EPS15L1: variants seen among roughly 807,000 people sequenced by gnomAD.
The protein encoded by EPS15L1 is epidermal growth factor receptor pathway substrate 15 like 1, also known as epidermal growth factor receptor substrate 15-like 1.
Under a neutral mutation model 117.1 loss-of-function variants are expected in EPS15L1, and 43 were observed. That is an observed-to-expected ratio of 0.37 (90% confidence interval 0.29 to 0.47). EPS15L1 has a LOEUF of 0.47. Ranked by LOEUF, EPS15L1 falls within the 20% of genes least tolerant of loss-of-function variation. The probability of loss-of-function intolerance (pLI) is 0.99; values close to 1 mark genes in which losing one functional copy is unlikely to be tolerated. For synonymous variants in EPS15L1, 459 were observed against 470.5 expected (o/e 0.98, Z 0.32); for missense variants, 981 against 1,164.0 (o/e 0.84, Z 2.29).
chr19:16,379,607 G>T (rs1239532914), intron 21 of EPS15L1, among the ~76,000 whole-genome samples: 1 of 152,186 alleles, frequency 6.6e-6, no homozygotes, highest in Non-Finnish European at 1.5e-5. Flanking sequence ...GCTGACTAAG[G>T]CTCCAGCGTC....
At chr19:16,439,301 A>G (rs2093007241) in intron 4 of EPS15L1, among the ~76,000 whole-genome samples, 1 of 152,198 alleles carries the variant, frequency 6.6e-6, no homozygotes, top group Admixed American at 6.5e-5. Context: ...ATTAATAAAT[A>G]GTAAAGAAAA....
rs148767967 is a variant in EPS15L1 at position 16,420,286 on chromosome 19, T to C, written c.950+1033A>G. Among the ~76,000 whole-genome samples the C allele has an allele frequency of 7.2e-5, 11 of 152,382 alleles. No homozygotes were observed. The East Asian group carries it at 1.7e-3, about 24-fold the overall frequency. On this transcript the variant is annotated intron_variant, in intron 10 of 23. Coordinates refer to ENST00000455140, the MANE Select transcript of EPS15L1 (RefSeq NM_001258374.3). ...TCCATGTCATTACATCATGTGTCAA[T>C]TGCAGCATGCATTATAAATTACTTT...
At chr19:16,429,099 T>C (rs1429017496) in intron 7 of EPS15L1, among the ~76,000 whole-genome samples, 1 of 152,182 alleles carries the variant, frequency 6.6e-6, no homozygotes, top group East Asian at 1.9e-4. Flanking sequence ...GTACAGGTGT[T>C]GCCCTAAACA....
chr19:16,366,191 A>G (rs2092130894), intron 22 of EPS15L1, among the ~76,000 whole-genome samples: 1 of 152,164 alleles, frequency 6.6e-6, no homozygotes, highest in Admixed American at 6.5e-5. Flanking sequence ...CAGGGTGGAC[A>G]CTGCTTGATT....
intron 16 of EPS15L1, among the ~76,000 whole-genome samples, chr19:16,395,965 A>T (rs1392978701): frequency 6.7e-6 from 1 of 149,826 alleles, no homozygotes; most frequent in Non-Finnish European, 1.5e-5. Context: ...AAAAAAATCA[A>T]GGTGTGGTGG....
intron 10 of EPS15L1, among the ~76,000 whole-genome samples, chr19:16,420,326 C>G (rs2092801363): frequency 6.6e-6 from 1 of 152,212 alleles, no homozygotes; most frequent in African/African-American, 2.4e-5. Flanking sequence ...CTACTGACCC[C>G]TAGACATGAC....
rs1429080152 is a variant in EPS15L1 at position 16,355,506 on chromosome 19, G to A, written c.*199C>T. 11 of 630,136 alleles carry A rather than the reference G, an allele frequency of 1.7e-5. No individual in the cohort carries two copies. Among genetic ancestry groups the A allele is most frequent in the Non-Finnish European group, 2.9e-5 (11 of 378,808 alleles). 39.0% of individuals were successfully genotyped at this position (630,136 alleles called of 1,614,324 possible). ...GAGAGACGGACCTGCAGAAGTGGTG[G>A]CCAAGGCCTCTGTAAGGGCTTCCCC... On this transcript the variant is annotated 3_prime_UTR_variant, in exon 24 of 24. Transcript: ENST00000455140.
At chr19:16,428,848 G>C in intron 7 of EPS15L1, 87 bp from the exon 8 acceptor site, 1 of 1,063,236 alleles carries the variant, frequency 9.4e-7, no homozygotes, top group South Asian at 1.3e-5. Context: ...ACTCTCAGCC[G>C]TGGCACTCAC....
intron 22 of EPS15L1, among the ~76,000 whole-genome samples, chr19:16,363,180 C>CTA: frequency 6.6e-6 from 1 of 152,204 alleles, no homozygotes; most frequent in Non-Finnish European, 1.5e-5. Context: ...ACCCCTCTAT[C>CTA]TGCCCAACGG....
chr19:16,377,024 G>T, intron 22 of EPS15L1, 98 bp downstream of exon 22: 1 of 1,429,046 alleles, frequency 7.0e-7, no homozygotes, highest in Non-Finnish European at 9.4e-7. Context: ...GGGTCCCACG[G>T]CATCTGCTGC....
chr19:16,431,419 T>G (rs2145011756), intron 7 of EPS15L1, among the ~76,000 whole-genome samples: 1 of 151,568 alleles, frequency 6.6e-6, no homozygotes, highest in South Asian at 2.1e-4. Context: ...TTCTCCTGCC[T>G]CAGCTTCCCG....
At position 16,403,837 on chromosome 19, in the gene EPS15L1, A is replaced by T. The variant is rs775135664; in HGVS notation, c.1522T>A (p.Leu508Met). 6.2e-7 allele frequency: 1 copy of T among 1,614,076 alleles called. No individual in the cohort carries two copies. The highest frequency in any genetic ancestry group is 1.1e-5 in the South Asian group (1 of 91,082). The change falls in exon 15 of 24, where the codon TTG becomes ATG. Residue 508 changes from leucine (L) to methionine (M), a missense_variant. Physicochemically the swap from Leu to Met is conservative, Grantham distance 15. This residue lies in a region of EPS15L1 where 819 missense variants were observed against 949.0 expected (regional missense o/e 0.86). Coordinates refer to ENST00000455140, the MANE Select transcript of EPS15L1 (RefSeq NM_001258374.3). Reference sequence around the variant, plus strand: ...TCCAGCTGGGTTTCCTCCTGCTGCAATCGGTTCAGCTCCGACTTGGCTCGG... The same window carrying T: ...TCCAGCTGGGTTTCCTCCTGCTGCATTCGGTTCAGCTCCGACTTGGCTCGG... The part of the protein sequence containing the change: ...LNRAKSELNR[L>M]QQEETQLEQS...
intron 1 of EPS15L1, among the ~76,000 whole-genome samples, chr19:16,444,827 A>G (rs1599662016): frequency 6.6e-6 from 1 of 151,942 alleles, no homozygotes. Context: ...CCTGGATTCA[A>G]GCCATTCTCC....
In EPS15L1 at chr19:16,379,445, G is replaced by A. The variant is rs78142814; in HGVS notation, c.2248-2191C>T. Among the ~76,000 whole-genome samples, 85 of 152,356 alleles carry A rather than the reference G, an allele frequency of 5.6e-4. No homozygotes were observed. The East Asian group carries it at 0.015, about 28-fold the overall frequency. ...GGGAAGGCCTAGAGACAGAGAACAG[G>A]TCAAGAGTACAAAGGCACACTCCCA... On this transcript the variant is annotated intron_variant, in intron 21 of 23. Transcript: ENST00000455140.
chr19:16,364,963 G>A (rs1407840094), intron 22 of EPS15L1, among the ~76,000 whole-genome samples: 4 of 152,220 alleles, frequency 2.6e-5, no homozygotes, highest in Admixed American at 6.5e-5. Context: ...GGCTTCTCCC[G>A]CTTGGGGATG....
At chr19:16,425,369 A>G in intron 8 of EPS15L1, 53 bp from the exon 9 acceptor site, 1 of 1,329,884 alleles carries the variant, frequency 7.5e-7, no homozygotes. Flanking sequence ...GGCCGGGACC[A>G]TCAGGAGAAG....
At chr19:16,402,275 C>A in intron 16 of EPS15L1, 46 bp downstream of exon 16, 1 of 1,544,378 alleles carries the variant, frequency 6.5e-7, no homozygotes, top group Non-Finnish European at 8.8e-7. Flanking sequence ...GCTGTCACAC[C>A]AGGGGACCAG....
chr19:16,441,698 C>T (rs1293799129), intron 3 of EPS15L1, 194 bp downstream of exon 3: 4 of 438,812 alleles, frequency 9.1e-6, no homozygotes, highest in Non-Finnish European at 1.6e-5. Flanking sequence ...TTCTTATCTG[C>T]TACCAAAGTA....
chr19:16,400,336 C>CAAAAAAAAAAAAAAAAAAAAAAAAAAAAA (rs1162302779), intron 16 of EPS15L1, among the ~76,000 whole-genome samples: 1 of 60,684 alleles, frequency 1.6e-5, no homozygotes, highest in Admixed American at 1.9e-4. Context: ...GACTCCGTCT[C>CAAAAAAAAAAAAAAAAAAAAAAAAAAAAA]AAAAAAAAAA....
Sources: allele counts gnomAD v4.1 joint callset (sites outside exome capture counted in the v4.1 genomes callset), GRCh38; gene constraint gnomAD v4.1.1; regional missense constraint gnomAD v4.1.1; transcripts MANE v1.5; gene names NCBI Gene and HGNC (gene_info 2026-07-23, HGNC 2026-07-21).